RNF217: variants seen among roughly 807,000 people sequenced by gnomAD.
RNF217 encodes E3 ubiquitin-protein ligase RNF217.
In RNF217, 31 loss-of-function variants were observed where a neutral mutation model predicts 57.8. That is an observed-to-expected ratio of 0.54 (90% CI 0.40 to 0.72). The LOEUF (loss-of-function observed/expected upper bound fraction) is 0.72. Ranked by LOEUF, RNF217 falls within the 30% of genes least tolerant of loss-of-function variation. The probability of loss-of-function intolerance (pLI) is 0.00; values close to 1 mark genes in which losing one functional copy is unlikely to be tolerated. For synonymous variants in RNF217, 313 were observed against 294.0 expected (o/e 1.06, Z -0.66); for missense variants, 696 against 708.3 (o/e 0.98, Z 0.20).
chr6:125,041,120 T>C (rs1786863756), intron 1 of RNF217, among the ~76,000 whole-genome samples: 1 of 152,148 alleles, frequency 6.6e-6, no homozygotes, highest in South Asian at 2.1e-4. Flanking sequence ...AATGCATTTA[T>C]TAATTAGCTT....
intron 3 of RNF217, among the ~76,000 whole-genome samples, chr6:125,064,337 G>A (rs989609399): frequency 6.6e-6 from 1 of 152,140 alleles, no homozygotes; most frequent in Admixed American, 6.5e-5. Context: ...CTAGACCTTA[G>A]TTGTTAGAAG....
intron 1 of RNF217, among the ~76,000 whole-genome samples, chr6:124,989,237 T>G (rs1390210259): frequency 6.6e-6 from 1 of 152,228 alleles, no homozygotes; most frequent in African/African-American, 2.4e-5. Flanking sequence ...AATGTTGTCA[T>G]GTATTGTATT....
At chr6:125,022,939 A>T (rs1345648771) in intron 1 of RNF217, among the ~76,000 whole-genome samples, 1 of 152,156 alleles carries the variant, frequency 6.6e-6, no homozygotes, top group African/African-American at 2.4e-5. Flanking sequence ...TTCAACAATT[A>T]TTTCTTAAGC....
chr6:124,973,865 G>A (rs1158416030), intron 1 of RNF217, among the ~76,000 whole-genome samples: 1 of 152,208 alleles, frequency 6.6e-6, no homozygotes, highest in Non-Finnish European at 1.5e-5. Flanking sequence ...TTGTGGGTCA[G>A]GAATTTGGGA....
Position 125,089,804 on chromosome 6 carries a change from A to C in RNF217, c.*6867A>C, listed in dbSNP as rs1788880623. 6.6e-6 allele frequency: 1 copy of C among 152,108 alleles called. No individual in the cohort carries two copies. The highest frequency in any genetic ancestry group is 2.4e-5 in the African/African-American group (1 of 41,422). 9.4% of individuals were successfully genotyped at this position (152,108 alleles called of 1,614,324 possible). ...ATGCCCCAGCTTGGGAAATATTCTT[A>C]GTAATCCAATCAAATCCTTAAAAAC... On this transcript the variant is annotated 3_prime_UTR_variant, in exon 6 of 6. Coordinates refer to ENST00000521654, the MANE Select transcript of RNF217 (RefSeq NM_001286398.3).
chr6:125,050,660 G>T (rs1787278790), intron 2 of RNF217, among the ~76,000 whole-genome samples: 1 of 151,806 alleles, frequency 6.6e-6, no homozygotes, highest in African/African-American at 2.4e-5. Context: ...CCATATATAA[G>T]AATGTGTAAA....
At chr6:124,978,932 C>T (rs530411525) in intron 1 of RNF217, among the ~76,000 whole-genome samples, 2 of 152,274 alleles carry the variant, frequency 1.3e-5, no homozygotes, top group South Asian at 4.1e-4. Context: ...TGGCTGAGTC[C>T]AAGGTTTTTA....
intron 1 of RNF217, among the ~76,000 whole-genome samples, chr6:125,017,923 T>C (rs982026495): frequency 5.3e-5 from 8 of 152,194 alleles, no homozygotes; most frequent in African/African-American, 1.7e-4. Flanking sequence ...TAAAAGAGGG[T>C]ACCACATATT....
At chr6:124,969,182 A>C (rs1783667417) in intron 1 of RNF217, among the ~76,000 whole-genome samples, 1 of 152,194 alleles carries the variant, frequency 6.6e-6, no homozygotes, top group South Asian at 2.1e-4. Context: ...CAAAGTTATA[A>C]ATCTATTACT....
chr6:125,073,651 T>C lies in RNF217; in HGVS notation c.1282-3006T>C, dbSNP rs1413150003. Among the ~76,000 whole-genome samples, 8 of 152,266 alleles carry C rather than the reference T, an allele frequency of 5.3e-5. No homozygotes were observed. The East Asian group carries it at 1.5e-3, about 29-fold the overall frequency. On this transcript the variant is annotated intron_variant, in intron 3 of 5. Coordinates refer to ENST00000521654, the MANE Select transcript of RNF217 (RefSeq NM_001286398.3). ...CTCGACCCTAGGTGCTTATATGCCC[T>C]TGACCACACACTTGCCTATCTAGGA...
intron 1 of RNF217, among the ~76,000 whole-genome samples, chr6:125,033,563 A>G (rs1232173079): frequency 6.7e-6 from 1 of 149,140 alleles, no homozygotes; most frequent in Non-Finnish European, 1.5e-5. Context: ...CATGGTGTAT[A>G]TGTGCCACAT....
intron 1 of RNF217, among the ~76,000 whole-genome samples, chr6:124,969,304 A>G (rs1582649795): frequency 6.6e-6 from 1 of 152,238 alleles, no homozygotes; most frequent in Non-Finnish European, 1.5e-5. Context: ...CTTTATATAA[A>G]GAAAACACAA....
At chr6:125,024,434 T>C (rs1785985261) in intron 1 of RNF217, among the ~76,000 whole-genome samples, 1 of 140,636 alleles carries the variant, frequency 7.1e-6, no homozygotes, top group Non-Finnish European at 1.5e-5. Context: ...ATACCAAAAA[T>C]TAGCCAGGCA....
Position 124,962,858 on chromosome 6 carries a change from T to G in RNF217, c.314T>G (p.Leu105Trp). 6.3e-7 allele frequency: 1 copy of G among 1,597,900 alleles called. No individual in the cohort carries two copies. The highest frequency in any genetic ancestry group is 8.5e-7 in the Non-Finnish European group (1 of 1,179,606). ...AATCCCCAGACCTTGCCACTGCAGT[T>G]GGAGCTGGAGGAGGAAGAGGAGGAA... ...PLNPQTLPLQ[L>W]ELEEEEEEAG... Residue 105 changes from leucine to tryptophan, a missense_variant, in exon 1 of 6, where the codon TTG becomes TGG. Around this residue, in one of 2 missense-constraint regions of RNF217, gnomAD observed 465 missense variants for 386.8 expected, o/e 1.20. Coordinates refer to ENST00000521654, the MANE Select transcript of RNF217 (RefSeq NM_001286398.3). The surrounding 1 kb of genome is among the most constrained non-coding windows in gnomAD (Gnocchi z 4.6).
chr6:124,981,950 C>T (rs1455318954), intron 1 of RNF217, among the ~76,000 whole-genome samples: 1 of 150,562 alleles, frequency 6.6e-6, no homozygotes, highest in African/African-American at 2.5e-5. Flanking sequence ...ACCACTTGAA[C>T]CCGGGAGGCA....
intron 1 of RNF217, chr6:125,006,082 C>G (rs1456772193): frequency 6.6e-6 from 1 of 152,168 alleles, no homozygotes; most frequent in Non-Finnish European, 1.5e-5. Flanking sequence ...ATAGCTCCTG[C>G]AAATGATAAG....
chr6:125,051,756 T>C (rs478591), intron 2 of RNF217, among the ~76,000 whole-genome samples: 3,391 of 152,178 alleles, frequency 0.022, 123 homozygotes, highest in African/African-American at 0.076. Flanking sequence ...TGCTACTTTA[T>C]GTGGGTACCT....
chr6:124,998,111 A>T (rs1375913375), intron 1 of RNF217, among the ~76,000 whole-genome samples: 1 of 152,064 alleles, frequency 6.6e-6, no homozygotes, highest in Non-Finnish European at 1.5e-5. Context: ...TCATCCTTTC[A>T]TGTTCCAGTC....
At position 125,045,459 on chromosome 6, in the gene RNF217, C is replaced by T; in HGVS notation, c.1116+15C>T. On this transcript the variant is annotated intron_variant, in intron 2 of 5. Coordinates refer to ENST00000521654, the MANE Select transcript of RNF217 (RefSeq NM_001286398.3). ...GCAAATACAAAGTAAGCATTTTCAC[C>T]AGAGCTGTGGGTTAGATGTCACATG... 1 of 1,595,926 alleles carries T rather than the reference C, an allele frequency of 6.3e-7. No individual in the cohort carries two copies. The highest frequency in any genetic ancestry group is 8.6e-7 in the Non-Finnish European group (1 of 1,166,096).
Sources: gnomAD v4.1 joint callset for allele counts (sites outside exome capture counted in the v4.1 genomes callset) on GRCh38, gnomAD v4.1.1 for gene constraint, gnomAD v4.1.1 regional missense constraint, Gnocchi (gnomAD v3.1) non-coding constraint, MANE v1.5 for transcripts, NCBI Gene and HGNC (gene_info 2026-07-23, HGNC 2026-07-21) for gene names.